CCDC171: variants seen among roughly 807,000 people sequenced by gnomAD.
CCDC171 encodes coiled-coil domain-containing protein 171.
Under a neutral mutation model 168.2 loss-of-function variants are expected in CCDC171, and 177 were observed. That is an observed-to-expected ratio of 1.05 (90% confidence interval 0.93 to 1.19). The LOEUF is 1.19. Among genes scored for constraint, CCDC171 ranks in the 50% most tolerant of loss-of-function variants. The pLI, the probability that CCDC171 is intolerant of heterozygous loss-of-function variation, is 0.00. For synonymous variants in CCDC171, 687 were observed against 540.8 expected (o/e 1.27, Z -3.75); for missense variants, 1,991 against 1,539.0 (o/e 1.29, Z -4.91).
At chr9:15,680,872 G>T (rs1171464101) in intron 10 of CCDC171, among the ~76,000 whole-genome samples, 1 of 152,092 alleles carries the variant, frequency 6.6e-6, no homozygotes, top group Non-Finnish European at 1.5e-5. Context: ...AAATAAGCCA[G>T]GGTTATAACT....
intron 21 of CCDC171, among the ~76,000 whole-genome samples, chr9:15,793,861 T>G (rs1166188815): frequency 6.6e-6 from 1 of 152,122 alleles, no homozygotes; most frequent in Non-Finnish European, 1.5e-5. Flanking sequence ...GCAGCCACAT[T>G]GCTGAACTCT....
chr9:15,914,983 C>G (rs1417673507), intron 24 of CCDC171, among the ~76,000 whole-genome samples: 3 of 152,266 alleles, frequency 2.0e-5, no homozygotes, highest in South Asian at 2.1e-4. Context: ...TACCCACTGT[C>G]TAACCGGCCC....
the CCDC171 span, among the ~76,000 whole-genome samples, chr9:16,097,502 G>A: frequency 6.6e-6 from 1 of 152,208 alleles, no homozygotes; most frequent in Non-Finnish European, 1.5e-5. Flanking sequence ...AGTGTGTTCA[G>A]TGAAATTAAG....
chr9:15,735,601 A>T (rs556714144), intron 16 of CCDC171, among the ~76,000 whole-genome samples: 1 of 152,228 alleles, frequency 6.6e-6, no homozygotes, highest in Non-Finnish European at 1.5e-5. Flanking sequence ...TTCTTCTTTT[A>T]CTGTGGTATT....
intron 22 of CCDC171, 55 bp from the exon 23 acceptor site, chr9:15,848,837 TA>T: frequency 1.1e-6 from 1 of 931,432 alleles, no homozygotes. Flanking sequence ...CTAAAATGTG[TA>T]ACAGTTGTAG....
rs370883418 is a variant in CCDC171, at chr9:15,722,132, A to G, written c.1425+257A>G. The stretch of plus-strand genomic sequence containing the variant: ...ACTCTATCACTTCTTGATCTTCATA[A>G]TTTATCTGTTTTAACTTAATGAAAA... On this transcript the variant is annotated intron_variant, in intron 12 of 25. Transcript: ENST00000380701. 3.9e-5 allele frequency among the ~76,000 whole-genome samples: 6 copies of G among 152,200 alleles called. No individual in the cohort carries two copies. In the South Asian group the frequency reaches 1.2e-3, roughly 32 times the overall value.
chr9:15,846,777 C>T lies in CCDC171; in HGVS notation c.3343C>T (p.Leu1115=). The change falls in exon 22 of 26, where the codon CTG becomes TTG. Residue 1115 remains leucine (L), a synonymous_variant. Transcript: ENST00000380701. ...TCAGCTCAATAGACATCTTACCCAG[C>T]TGGAGCAGGACAAGCGTCGACTGGA... ...LRQLNRHLTQ[L]EQDKRRLEEN... is the part of the protein sequence containing the mutation. 1 of 1,612,590 alleles carries T rather than the reference C, an allele frequency of 6.2e-7. No homozygotes were observed. The highest frequency in any genetic ancestry group is 1.1e-5 in the South Asian group (1 of 90,866).
chr9:15,798,679 C>G (rs1023783005), intron 21 of CCDC171, among the ~76,000 whole-genome samples: 1 of 152,044 alleles, frequency 6.6e-6, no homozygotes, highest in African/African-American at 2.4e-5. Context: ...CTACTATGCC[C>G]GTTTATTAAA....
chr9:16,045,835 C>G (rs1254720260), intron 1 of CCDC171, among the ~76,000 whole-genome samples: 1 of 152,224 alleles, frequency 6.6e-6, no homozygotes, highest in African/African-American at 2.4e-5. Context: ...GGTGATCTCT[C>G]ATCCTTCACC....
intron 11 of CCDC171, among the ~76,000 whole-genome samples, chr9:15,716,148 T>G (rs2053069960): frequency 6.6e-6 from 1 of 152,202 alleles, no homozygotes; most frequent in Admixed American, 6.5e-5. Flanking sequence ...TTCTATGAAT[T>G]TGACCACTTT....
intron 21 of CCDC171, among the ~76,000 whole-genome samples, chr9:15,830,130 G>A (rs186675791): frequency 2.6e-5 from 4 of 152,270 alleles, no homozygotes; most frequent in Admixed American, 2.0e-4. Context: ...CTGGAATGCT[G>A]TTTGAGATAG....
chr9:16,092,395 G>A, the CCDC171 span, among the ~76,000 whole-genome samples: 2 of 152,150 alleles, frequency 1.3e-5, no homozygotes, highest in African/African-American at 2.4e-5. Context: ...GTGTTTCCAG[G>A]TGAGTCTGAC....
intron 24 of CCDC171, chr9:15,883,194 A>G: frequency 5.2e-6 from 1 of 193,380 alleles, no homozygotes; most frequent in Non-Finnish European, 1.1e-5. Context: ...ATACCCAGGT[A>G]ATATTTTTAA....
intron 10 of CCDC171, among the ~76,000 whole-genome samples, chr9:15,683,818 G>C (rs1270836990): frequency 1.3e-5 from 2 of 152,062 alleles, no homozygotes; most frequent in Non-Finnish European, 2.9e-5. Flanking sequence ...GCAAGAGATT[G>C]CGAGAGAGAT....
the CCDC171 span, among the ~76,000 whole-genome samples, chr9:16,098,126 G>A: frequency 6.0e-4 from 92 of 152,280 alleles, no homozygotes; most frequent in Non-Finnish European, 1.1e-3. Flanking sequence ...TACACATCAC[G>A]GTTTAAGTCA....
intron 6 of CCDC171, among the ~76,000 whole-genome samples, chr9:15,596,400 G>A (rs1206456275): frequency 3.3e-5 from 5 of 151,996 alleles, no homozygotes; most frequent in African/African-American, 1.2e-4. Flanking sequence ...ATTAAATAGG[G>A]AATCCTTTCC....
chr9:15,675,262 G>A lies in CCDC171; in HGVS notation c.1077-3496G>A, dbSNP rs1032105160. ...CCATCCCTTTATTTTGAGCCTCTGT[G>A]TGTCTCTGCACGTGAGATGGGTCTC... On this transcript the variant is annotated intron_variant, in intron 9 of 25. Coordinates refer to ENST00000380701, the MANE Select transcript of CCDC171 (RefSeq NM_173550.4). Among the ~76,000 whole-genome samples the A allele has an allele frequency of 4.9e-5, 6 of 122,096 alleles. No homozygotes were observed. In the East Asian group the frequency reaches 8.4e-4, roughly 17 times the overall value. 80.1% of individuals were successfully genotyped at this position (122,096 alleles called of 152,430 possible).
chr9:16,071,589 A>G, the CCDC171 span, among the ~76,000 whole-genome samples: 1 of 152,214 alleles, frequency 6.6e-6, no homozygotes, highest in Non-Finnish European at 1.5e-5. Context: ...CGTCATGCAC[A>G]AGCACACGAG....
rs1009071936 is a variant in CCDC171 at position 15,955,733 on chromosome 9, G to C, written c.3754-15876G>C. On this transcript the variant is annotated intron_variant, in intron 25 of 25. Transcript: ENST00000380701. ...GCTGGTTCCTGGTGCTTACTACTCT[G>C]CCATCTTTCCAGAATCCTCTCAAAT... 3.9e-5 allele frequency among the ~76,000 whole-genome samples: 6 copies of C among 152,054 alleles called. No individual in the cohort carries two copies. In the South Asian group the frequency reaches 1.2e-3, roughly 31 times the overall value.
Sources: gnomAD v4.1 joint callset for allele counts (sites outside exome capture counted in the v4.1 genomes callset) on GRCh38, gnomAD v4.1.1 for gene constraint, MANE v1.5 for transcripts, NCBI Gene and HGNC (gene_info 2026-07-23, HGNC 2026-07-21) for gene names.